MLLT10: variants seen among roughly 807,000 people sequenced by gnomAD.
MLLT10 encodes MLLT10 histone lysine methyltransferase DOT1L cofactor.
A neutral mutation model predicts 129.1 loss-of-function variants in MLLT10; 30 were observed. The observed-to-expected ratio is 0.23, with a 90% CI of 0.17 to 0.32. The LOEUF (loss-of-function observed/expected upper bound fraction) is 0.32. Among genes scored for constraint, MLLT10 ranks in the 10% least tolerant of loss-of-function variants. The pLI, the probability that MLLT10 is intolerant of heterozygous loss-of-function variation, is 1.00. For synonymous variants in MLLT10, 490 were observed against 446.4 expected, an observed-to-expected ratio of 1.10 and a Z score of -1.23; for missense variants, 1,119 against 1,268.3, an observed-to-expected ratio of 0.88 and a Z score of 1.79.
At chr10:21,581,651 G>A (rs1178305300) in intron 3 of MLLT10, among the ~76,000 whole-genome samples, 5 of 152,118 alleles carry the variant, frequency 3.3e-5, no homozygotes, top group African/African-American at 1.2e-4. Flanking sequence ...GATAGCGAGT[G>A]AATTCTCTTG....
chr10:21,636,540 A>C (rs2047477756), intron 8 of MLLT10, among the ~76,000 whole-genome samples: 1 of 150,566 alleles, frequency 6.6e-6, no homozygotes, highest in African/African-American at 2.4e-5. Context: ...TTATGTTTTA[A>C]TGTTCTTTTA....
At chr10:21,729,770 G>A (rs1027214720) in intron 16 of MLLT10, among the ~76,000 whole-genome samples, 5 of 152,094 alleles carry the variant, frequency 3.3e-5, no homozygotes, top group East Asian at 1.9e-4. Context: ...ATATACAAAC[G>A]CATTGGAAAT....
intron 9 of MLLT10, among the ~76,000 whole-genome samples, chr10:21,660,239 AT>A (rs2050031869): frequency 6.6e-6 from 1 of 151,250 alleles, no homozygotes; most frequent in South Asian, 2.1e-4. Context: ...AAGTGCTGGG[AT>A]TACAGGCGTG....
Position 21,713,802 on chromosome 10 carries a change from C to T in MLLT10, c.1730C>T (p.Ser577Leu), listed in dbSNP as rs867642571. The T allele has an allele frequency of 5.0e-6, 8 of 1,613,148 alleles. No individual in the cohort carries two copies. Among genetic ancestry groups the T allele is most frequent in the Admixed American group, 3.3e-5 (2 of 59,868 alleles). ...TATAACAGCAATGATGTAGCAGTAT[C>T]GTTTCCAAATGTAGTATCTGGCTCG... ...GIYNSNDVAV[S>L]FPNVVSGSGS... Residue 577 changes from serine to leucine, a missense_variant, in exon 14 of 23, where the codon TCG becomes TTG. Coordinates refer to ENST00000307729, the MANE Select transcript of MLLT10 (RefSeq NM_001195626.3).
At chr10:21,739,724 G>A (rs1366289151) in intron 21 of MLLT10, among the ~76,000 whole-genome samples, 1 of 152,172 alleles carries the variant, frequency 6.6e-6, no homozygotes, top group Non-Finnish European at 1.5e-5. Context: ...GTTTGACCAC[G>A]CATGATGCAT....
chr10:21,585,407 G>A lies in MLLT10; in HGVS notation c.241-887G>A, dbSNP rs549519749. Among the ~76,000 whole-genome samples the A allele has an allele frequency of 2.6e-5, 4 of 152,316 alleles. No individual in the cohort carries two copies. In the South Asian group the frequency reaches 8.3e-4, roughly 32 times the overall value. On this transcript the variant is annotated intron_variant, in intron 3 of 22. Coordinates refer to ENST00000307729, the MANE Select transcript of MLLT10 (RefSeq NM_001195626.3). ...ATTTTTGGTTTTAAATTCTGAGCAT[G>A]AGAAGGAGAGGGATCCACAATAAAT...
chr10:21,701,747 T>C (rs1281776383), intron 13 of MLLT10, among the ~76,000 whole-genome samples: 1 of 150,824 alleles, frequency 6.6e-6, no homozygotes, highest in Non-Finnish European at 1.5e-5. Context: ...CCACCACGCC[T>C]GGTTAATTTT....
intron 9 of MLLT10, among the ~76,000 whole-genome samples, chr10:21,654,055 A>C (rs2049313297): frequency 6.6e-6 from 1 of 152,192 alleles, no homozygotes; most frequent in African/African-American, 2.4e-5. Flanking sequence ...AGTTAAAGAA[A>C]GGTGGGGATA....
At chr10:21,740,753 G>A (rs1436567965) in intron 22 of MLLT10, among the ~76,000 whole-genome samples, 1 of 152,156 alleles carries the variant, frequency 6.6e-6, no homozygotes, top group Non-Finnish European at 1.5e-5. Flanking sequence ...TGATGGCATC[G>A]TACCCTTTCA....
At chr10:21,715,228 G>A (rs1724410793) in intron 14 of MLLT10, among the ~76,000 whole-genome samples, 1 of 152,156 alleles carries the variant, frequency 6.6e-6, no homozygotes, top group African/African-American at 2.4e-5. Context: ...TGTGTGAATG[G>A]CACAGTGAGA....
chr10:21,650,801 G>A (rs1044495634), intron 8 of MLLT10, among the ~76,000 whole-genome samples: 1 of 151,980 alleles, frequency 6.6e-6, no homozygotes. Context: ...TAGCTCATCA[G>A]TTTTAGCACT....
At chr10:21,693,937 C>G (rs2054124036) in intron 13 of MLLT10, among the ~76,000 whole-genome samples, 1 of 151,912 alleles carries the variant, frequency 6.6e-6, no homozygotes, top group Non-Finnish European at 1.5e-5. Context: ...ATGTTGTTTT[C>G]AAGTTTGAAT....
At chr10:21,587,423 C>CAAAA (rs35976402) in intron 4 of MLLT10, among the ~76,000 whole-genome samples, 2 of 42,310 alleles carry the variant, frequency 4.7e-5, no homozygotes, top group African/African-American at 9.6e-5. Context: ...GACCCTGCCT[C>CAAAA]AAAAAAAAAA....
chr10:21,733,072 T>C lies in MLLT10; in HGVS notation c.2392T>C (p.Phe798Leu). Residue 798 changes from phenylalanine to leucine, a missense_variant, in exon 18 of 23, where the codon TTT becomes CTT. Coordinates refer to ENST00000307729, the MANE Select transcript of MLLT10 (RefSeq NM_001195626.3). ...TAGTCCGTCTCATCAAATACACACA[T>C]TTTCAGCACAGACTGGTAAGTGTGA... ...NPSPSHQIHT[F>L]SAQTAPTTDS... 1 of 1,607,388 alleles carries C rather than the reference T, an allele frequency of 6.2e-7. No individual in the cohort carries two copies. Among genetic ancestry groups the C allele is most frequent in the Admixed American group, 1.7e-5 (1 of 58,780 alleles).
intron 8 of MLLT10, among the ~76,000 whole-genome samples, chr10:21,631,155 CA>C (rs1018423177): frequency 6.7e-6 from 1 of 150,002 alleles, no homozygotes. Flanking sequence ...CTAAAAAATA[CA>C]AAAAAAAATT....
chr10:21,660,702 C>T (rs938716667), intron 9 of MLLT10, among the ~76,000 whole-genome samples: 3 of 150,546 alleles, frequency 2.0e-5, no homozygotes, highest in South Asian at 4.2e-4. Flanking sequence ...GGCGAAGCCC[C>T]GTATCTACTA....
chr10:21,711,184 A>G (rs1392458779), intron 13 of MLLT10, among the ~76,000 whole-genome samples: 1 of 152,172 alleles, frequency 6.6e-6, no homozygotes, highest in Non-Finnish European at 1.5e-5. Context: ...GCACTTTGGG[A>G]GGCCGAGACG....
At chr10:21,572,803 G>A (rs2131041048) in intron 3 of MLLT10, among the ~76,000 whole-genome samples, 1 of 151,360 alleles carries the variant, frequency 6.6e-6, no homozygotes, top group South Asian at 2.1e-4. Context: ...AGTAGAGATA[G>A]GGTTTCACCA....
intron 3 of MLLT10, chr10:21,541,165 A>G (rs1315571079): frequency 6.6e-6 from 1 of 152,134 alleles, no homozygotes; most frequent in Non-Finnish European, 1.5e-5. Context: ...TCTCACAAAA[A>G]AAGAAAGAAA....
Sources: allele counts gnomAD v4.1 joint callset (sites outside exome capture counted in the v4.1 genomes callset), GRCh38; gene constraint gnomAD v4.1.1; transcripts MANE v1.5; gene names NCBI Gene and HGNC (gene_info 2026-07-23, HGNC 2026-07-21).